The following RAI14 variants were observed in gnomAD, a reference collection of about 807,000 sequenced individuals.
The protein encoded by RAI14 is retinoic acid induced 14, also known as ankycorbin.
In RAI14, 45 loss-of-function variants were observed where a neutral mutation model predicts 115.4. The observed-to-expected ratio is 0.39, with a 90% CI of 0.31 to 0.50. RAI14 has a LOEUF of 0.50. Among genes scored for constraint, RAI14 ranks in the 20% least tolerant of loss-of-function variants. RAI14 has a pLI of 0.85. For missense variants in RAI14, 939 were observed against 1,131.2 expected (o/e 0.83, Z 2.44); for synonymous variants, 371 against 415.4 (o/e 0.89, Z 1.30).
rs1580344561 is a variant in RAI14 at position 34,813,502 on chromosome 5, A to G, written c.766-72A>G. 20 of 990,894 alleles carry G rather than the reference A, an allele frequency of 2.0e-5. No individual in the cohort carries two copies. The East Asian group carries it at 5.0e-4, about 25-fold the overall frequency. The allele number at this position is 990,894 out of a possible 1,614,324, so 61.4% of individuals were successfully genotyped here. A position where few individuals can be genotyped will look rare whatever the true frequency, so the allele number is the denominator to read the frequency against. Reference sequence around the variant, plus strand: ...TTTTGAGGTTTTTCTCATGTGTTTGATAAAGCTACTTGCCCAGACTTTACT... The same window carrying G: ...TTTTGAGGTTTTTCTCATGTGTTTGGTAAAGCTACTTGCCCAGACTTTACT... On this transcript the variant is annotated intron_variant, in intron 10 of 17. Coordinates refer to ENST00000265109, the MANE Select transcript of RAI14 (RefSeq NM_015577.3).
chr5:34,777,122 C>T (rs1174132057), intron 3 of RAI14, among the ~76,000 whole-genome samples: 1 of 151,858 alleles, frequency 6.6e-6, no homozygotes, highest in Non-Finnish European at 1.5e-5. Context: ...GCCAAGATTG[C>T]ACCATTGCAC....
chr5:34,788,853 C>T (rs1021583392), intron 3 of RAI14, among the ~76,000 whole-genome samples: 8 of 152,082 alleles, frequency 5.3e-5, no homozygotes, highest in East Asian at 1.9e-4. Flanking sequence ...CCTGTAATCC[C>T]GGCTACTTGG....
rs557578741 is a variant in RAI14, at chr5:34,704,408, G to A, written c.36+17453G>A. Among the ~76,000 whole-genome samples, 5 of 152,240 alleles carry A rather than the reference G, an allele frequency of 3.3e-5. No individual in the cohort carries two copies. In the Middle Eastern group the frequency reaches 0.017, roughly 518 times the overall value. On this transcript the variant is annotated intron_variant, in intron 2 of 17. Transcript: ENST00000265109. ...TCCTTAATTACTTGACTGAATAGCT[G>A]GACAGTGTTTTCTGCACAGGTCCAC...
At chr5:34,740,277 C>T (rs980309406) in intron 2 of RAI14, among the ~76,000 whole-genome samples, 2 of 152,166 alleles carry the variant, frequency 1.3e-5, no homozygotes, top group Admixed American at 6.5e-5. Flanking sequence ...GGTCAAACTG[C>T]AGATTGCTGA....
intron 13 of RAI14, among the ~76,000 whole-genome samples, chr5:34,819,390 G>A (rs537383999): frequency 1.3e-5 from 2 of 152,240 alleles, no homozygotes; most frequent in South Asian, 2.1e-4. Flanking sequence ...TGCTAAACGC[G>A]TTCTTTGCAG....
intron 2 of RAI14, among the ~76,000 whole-genome samples, chr5:34,722,561 C>T (rs866541145): frequency 9.2e-5 from 14 of 152,084 alleles, no homozygotes; most frequent in Non-Finnish European, 7.4e-5. Context: ...CAAACTTAAT[C>T]TCTGCCAGGC....
At chr5:34,763,356 CTA>C (rs1413975513) in intron 3 of RAI14, among the ~76,000 whole-genome samples, 2 of 152,194 alleles carry the variant, frequency 1.3e-5, no homozygotes, top group Middle Eastern at 3.2e-3. Context: ...TGAAATCACC[CTA>C]TGTCTTTTCT....
rs868783872 is a variant in RAI14, at chr5:34,750,848, A to T, written c.37-6620A>T. ...GACCTTATCCTTACTTTGCTTTATC[A>T]TTTTTTTTTTTTTTTTTTTTTGAGG... On this transcript the variant is annotated intron_variant, in intron 2 of 17. Transcript: ENST00000265109. 7.9e-3 allele frequency among the ~76,000 whole-genome samples: 661 copies of T among 83,588 alleles called. 10 individuals carry two copies. Among genetic ancestry groups the T allele is most frequent in the Middle Eastern group, 0.031 (3 of 96 alleles). 54.8% of individuals were successfully genotyped at this position (83,588 alleles called of 152,430 possible). A position where few individuals can be genotyped will look rare whatever the true frequency, so the allele number is the denominator to read the frequency against.
chr5:34,718,828 T>C (rs77532799), intron 2 of RAI14, among the ~76,000 whole-genome samples: 4,880 of 152,328 alleles, frequency 0.032, 141 homozygotes, highest in East Asian at 0.099. Context: ...GAAGTTTTGT[T>C]GTACCATGAA....
intron 2 of RAI14, among the ~76,000 whole-genome samples, chr5:34,698,206 C>T (rs1739577825): frequency 1.5e-5 from 2 of 131,238 alleles, no homozygotes; most frequent in Admixed American, 1.6e-4. Flanking sequence ...CCCTCTCTCC[C>T]TTCCCCTCCA....
chr5:34,815,330 G>A (rs1213448771), intron 12 of RAI14, among the ~76,000 whole-genome samples: 2 of 151,308 alleles, frequency 1.3e-5, no homozygotes, highest in African/African-American at 4.9e-5. Context: ...GCAGTGAGCC[G>A]AGATCGCGCC....
chr5:34,673,805 C>G (rs146514738), intron 1 of RAI14, among the ~76,000 whole-genome samples: 1 of 152,330 alleles, frequency 6.6e-6, no homozygotes, highest in East Asian at 1.9e-4. Flanking sequence ...GGGTCTTGGG[C>G]AGCTACCAGG....
intron 14 of RAI14, among the ~76,000 whole-genome samples, chr5:34,822,664 CTTTTTTTTTTTTTTTTTTTTTTTTTT>C (rs143092935): frequency 2.1e-5 from 1 of 47,534 alleles, no homozygotes; most frequent in Admixed American, 3.9e-4. Flanking sequence ...CCTTTGGTAT[CTTTTTTTTTTTTTTTTTTTTTTTTTT>C]TTTTTTTTTT....
chr5:34,831,031 T>A lies in RAI14; in HGVS notation c.*266T>A, dbSNP rs1561102588. ...GGATCAGCCATGCCCAGAGGTCTGG[T>A]CCTGATGCTGGCAGGGGGGCCCCCT... is the stretch of plus-strand genomic sequence containing the variant. On this transcript the variant is annotated 3_prime_UTR_variant, in exon 18 of 18. Transcript: ENST00000265109. The A allele has an allele frequency of 2.5e-5, 12 of 486,336 alleles. No homozygotes were observed. In the East Asian group the frequency reaches 6.1e-4, roughly 25 times the overall value. The allele number at this position is 486,336 out of a possible 1,614,324, so 30.1% of individuals were successfully genotyped here. A position where few individuals can be genotyped will look rare whatever the true frequency, so the allele number is the denominator to read the frequency against.
chr5:34,787,829 T>C (rs577472810), intron 3 of RAI14, among the ~76,000 whole-genome samples: 126 of 151,612 alleles, frequency 8.3e-4, no homozygotes, highest in African/African-American at 2.9e-3. Context: ...TATAGAATTA[T>C]GTTTTTAGTA....
At chr5:34,805,977 C>T (rs1361654924) in intron 5 of RAI14, among the ~76,000 whole-genome samples, 2 of 152,178 alleles carry the variant, frequency 1.3e-5, no homozygotes, top group Non-Finnish European at 2.9e-5. Context: ...AACAGCAGCC[C>T]CTATCCCAGT....
chr5:34,671,641 G>A (rs988153477), intron 1 of RAI14, among the ~76,000 whole-genome samples: 4 of 151,758 alleles, frequency 2.6e-5, no homozygotes, highest in Admixed American at 6.6e-5. Flanking sequence ...ACAATAAAAA[G>A]TTTTTTAAAA....
At chr5:34,721,567 A>G (rs535526033) in intron 2 of RAI14, among the ~76,000 whole-genome samples, 13 of 152,262 alleles carry the variant, frequency 8.5e-5, no homozygotes, top group African/African-American at 2.2e-4. Flanking sequence ...AGATTGAGCA[A>G]TACACAAGAT....
intron 2 of RAI14, among the ~76,000 whole-genome samples, chr5:34,692,140 G>A (rs1421743673): frequency 6.6e-6 from 1 of 152,084 alleles, no homozygotes; most frequent in Non-Finnish European, 1.5e-5. Context: ...GTGCATGCTC[G>A]TAATCCCAGC....
Sources: gnomAD v4.1 joint callset for allele counts (sites outside exome capture counted in the v4.1 genomes callset) on GRCh38, gnomAD v4.1.1 for gene constraint, MANE v1.5 for transcripts, NCBI Gene and HGNC (gene_info 2026-07-23, HGNC 2026-07-21) for gene names.